Variants in ICE2 observed in about 807,000 individuals in gnomAD.
ICE2 encodes interactor of little elongation complex ELL subunit 2, also known as little elongation complex subunit 2.
Under a neutral mutation model 105.4 loss-of-function variants are expected in ICE2, and 87 were observed. That is an observed-to-expected ratio of 0.83 (90% confidence interval 0.69 to 0.99). The LOEUF (loss-of-function observed/expected upper bound fraction) is 0.99, where lower values mean the gene tolerates loss of function less well. Ranked by LOEUF, ICE2 falls within the 50% of genes least tolerant of loss-of-function variation. The pLI is 0.00. For synonymous variants in ICE2, 399 were observed against 392.0 expected (o/e 1.02, Z -0.21); for missense variants, 1,323 against 1,146.7 (o/e 1.15, Z -2.22).
intron 5 of ICE2, among the ~76,000 whole-genome samples, chr15:60,465,597 G>A (rs2064400870): frequency 6.6e-6 from 1 of 151,916 alleles, no homozygotes; most frequent in African/African-American, 2.4e-5. Flanking sequence ...CTTTTTAAGT[G>A]TAGAGTTCAG....
At position 60,456,677 on chromosome 15, in the gene ICE2, C is replaced by T. The variant is rs774350541; in HGVS notation, c.646G>A (p.Glu216Lys). The change falls in exon 6 of 16, where the codon GAA (glutamate) becomes AAA (lysine). Residue 216 changes from glutamate (E) to lysine (K), a missense_variant. Transcript: ENST00000261520. ...PFRVEMGLKL[E>K]KTLLALGSVK... ...CTTACCAATGCGAGAAGAGTTTTTT[C>T]TAACTTTAATCCCATCTCTACTCTG... 4 of 1,582,826 alleles carry T rather than the reference C, an allele frequency of 2.5e-6. No individual in the cohort carries two copies. The highest frequency in any genetic ancestry group is 2.6e-6 in the Non-Finnish European group (3 of 1,167,286).
At chr15:60,439,578 T>G (rs1261037723) in intron 12 of ICE2, 2 of 152,106 alleles carry the variant, frequency 1.3e-5, no homozygotes, top group African/African-American at 4.8e-5. Context: ...AGACAGGGTT[T>G]CACCATGTTG....
chr15:60,456,882 T>C, intron 5 of ICE2, 88 bp from the exon 6 acceptor site: 2 of 675,094 alleles, frequency 3.0e-6, no homozygotes, highest in South Asian at 5.6e-5. Flanking sequence ...TATGTAATTA[T>C]TCATTGCAAA....
In ICE2 at chr15:60,428,531, C is replaced by T; in HGVS notation, c.2718G>A (p.Trp906Ter). The T allele has an allele frequency of 6.2e-7, 1 of 1,613,972 alleles. No homozygotes were observed. Among genetic ancestry groups the T allele is most frequent in the Non-Finnish European group, 8.5e-7 (1 of 1,179,982 alleles). Residue 906 changes from tryptophan to a stop codon, truncating the protein, a stop_gained, in exon 15 of 16, where the codon TGG becomes TGA. Coordinates refer to ENST00000261520, the MANE Select transcript of ICE2 (RefSeq NM_024611.6). LOFTEE classifies it high-confidence loss of function. ...ATAACAGGCTGGGATCTAATGGGAC[C>T]CAGGGAACTGAGAGACTGGAAGGTA... ...PGVPSSLSVPWVPLDPSLLLP... is the reference protein window; with the variant it reads ...PGVPSSLSVP
intron 5 of ICE2, among the ~76,000 whole-genome samples, chr15:60,459,397 T>A (rs1380319334): frequency 6.6e-6 from 1 of 152,152 alleles, no homozygotes; most frequent in East Asian, 1.9e-4. Flanking sequence ...ACTGCCAACT[T>A]TGAATTGCGT....
intron 8 of ICE2, chr15:60,454,564 T>C (rs1409067399): frequency 6.5e-6 from 1 of 153,532 alleles, no homozygotes; most frequent in African/African-American, 2.4e-5. Context: ...CTAAAGTAGC[T>C]TTACACATAA....
rs2064787643 is a variant in ICE2, at chr15:60,477,263, T to A, written c.41+674A>T. On this transcript the variant is annotated intron_variant, in intron 2 of 15. Coordinates refer to ENST00000261520, the MANE Select transcript of ICE2 (RefSeq NM_024611.6). ...CATCATATAAAAACAAAGTAAAGGG[T>A]CTCAGGGATTGTGAGCTCCCTGGGG... Among the ~76,000 whole-genome samples, 5 of 152,294 alleles carry A rather than the reference T, an allele frequency of 3.3e-5. No homozygotes were observed. The South Asian group carries it at 1.0e-3, about 32-fold the overall frequency.
chr15:60,452,821 T>C (rs1425394926), intron 9 of ICE2: 1 of 970,918 alleles, frequency 1.0e-6, no homozygotes. Flanking sequence ...CACAGAGATA[T>C]TATGTAATCT....
At chr15:60,464,976 C>A (rs911957569) in intron 5 of ICE2, among the ~76,000 whole-genome samples, 22 of 152,134 alleles carry the variant, frequency 1.4e-4, no homozygotes, top group Non-Finnish European at 4.4e-5. Flanking sequence ...TGCACTCCAG[C>A]CTGGACTATG....
chr15:60,464,375 C>T (rs913218201), intron 5 of ICE2, among the ~76,000 whole-genome samples: 2 of 151,786 alleles, frequency 1.3e-5, no homozygotes, highest in African/African-American at 4.8e-5. Flanking sequence ...CACTGTTTTA[C>T]AAAAACAGTG....
chr15:60,477,915 T>C (rs186514311), intron 2 of ICE2, 22 bp downstream of exon 2: 1 of 1,608,056 alleles, frequency 6.2e-7, no homozygotes, highest in East Asian at 2.2e-5. Context: ...CTTCAGTGGA[T>C]TACAAAGTGG....
intron 5 of ICE2, among the ~76,000 whole-genome samples, chr15:60,465,715 T>C (rs556129075): frequency 6.6e-6 from 1 of 151,674 alleles, no homozygotes; most frequent in Non-Finnish European, 1.5e-5. Context: ...TGTGTGTATA[T>C]ATATATAGTT....
chr15:60,427,205 A>G (rs1317947961), intron 15 of ICE2, among the ~76,000 whole-genome samples: 2 of 152,210 alleles, frequency 1.3e-5, no homozygotes, highest in African/African-American at 2.4e-5. Context: ...GCTGTTTCTC[A>G]TAAGGATTTG....
chr15:60,473,130 A>G (rs1350931220), intron 3 of ICE2, among the ~76,000 whole-genome samples: 2 of 152,034 alleles, frequency 1.3e-5, no homozygotes, highest in African/African-American at 2.4e-5. Flanking sequence ...ATGTGTAGAG[A>G]CAAGGTCTTG....
chr15:60,467,929 G>T, intron 4 of ICE2, 132 bp downstream of exon 4: 1 of 768,120 alleles, frequency 1.3e-6, no homozygotes, highest in Non-Finnish European at 1.9e-6. Flanking sequence ...AAGCACCATT[G>T]CTCTCTCAAT....
At chr15:60,425,370 AT>A (rs2063318595) in intron 15 of ICE2, among the ~76,000 whole-genome samples, 1 of 152,204 alleles carries the variant, frequency 6.6e-6, no homozygotes, top group African/African-American at 2.4e-5. Flanking sequence ...ATCTGTTAAA[AT>A]TTTTGAGAAA....
In ICE2 at chr15:60,431,982, A is replaced by G; in HGVS notation, c.2513T>C (p.Ile838Thr). The change falls in exon 14 of 16, where the codon ATT becomes ACT. Residue 838 changes from isoleucine to threonine, a missense_variant and splice_region_variant. Transcript: ENST00000261520. Reference protein sequence around the residue: ...ELKEKLSALKISNLFNILQHI... With the variant: ...ELKEKLSALKTSNLFNILQHI... ...TTGGAGGATGTTAAATAAATTGGAA[A>G]TCCTGATAAACAAAAGAAATTCATG... 1 of 1,408,764 alleles carries G rather than the reference A, an allele frequency of 7.1e-7. No individual in the cohort carries two copies. The highest frequency in any genetic ancestry group is 9.9e-7 in the Non-Finnish European group (1 of 1,009,232). The allele number at this position is 1,408,764 out of a possible 1,614,324, so 87.3% of individuals were successfully genotyped here. A position where few individuals can be genotyped will look rare whatever the true frequency, so the allele number is the denominator to read the frequency against.
At chr15:60,475,955 A>G in intron 3 of ICE2, 108 bp downstream of exon 3, 2 of 706,082 alleles carry the variant, frequency 2.8e-6, no homozygotes. Context: ...GTTTTACTTT[A>G]AACATTTCTA....
At chr15:60,476,825 G>A (rs2064775713) in intron 2 of ICE2, among the ~76,000 whole-genome samples, 1 of 152,186 alleles carries the variant, frequency 6.6e-6, no homozygotes, top group Admixed American at 6.5e-5. Context: ...AACGTTACTA[G>A]GGAGGACAAA....
Sources: allele counts gnomAD v4.1 joint callset (sites outside exome capture counted in the v4.1 genomes callset), GRCh38; gene constraint gnomAD v4.1.1; transcripts MANE v1.5; gene names NCBI Gene and HGNC (gene_info 2026-07-23, HGNC 2026-07-21).